The following NFIA variants were observed in gnomAD, a reference collection of about 807,000 sequenced individuals.
NFIA encodes nuclear factor 1 A-type.
NFIA carries 8 observed loss-of-function variants against 62.8 expected under a neutral mutation model. The observed-to-expected ratio is 0.13, with a 90% CI of 0.07 to 0.23. The LOEUF is 0.23. Among genes scored for constraint, NFIA ranks in the 10% least tolerant of loss-of-function variants. The pLI is 1.00. For missense variants in NFIA, 410 were observed against 642.1 expected, an observed-to-expected ratio of 0.64 and a Z score of 3.91; for synonymous variants, 235 against 238.1, an observed-to-expected ratio of 0.99 and a Z score of 0.12.
chr1:61,123,262 G>A (rs1646916971), intron 2 of NFIA, among the ~76,000 whole-genome samples: 1 of 152,116 alleles, frequency 6.6e-6, no homozygotes, highest in Non-Finnish European at 1.5e-5. Context: ...TGATACGCAG[G>A]CCATCCTACT....
At chr1:61,126,011 T>C (rs1646960414) in intron 2 of NFIA, among the ~76,000 whole-genome samples, 1 of 152,184 alleles carries the variant, frequency 6.6e-6, no homozygotes, top group Non-Finnish European at 1.5e-5. Flanking sequence ...GTAGGTACTT[T>C]ATCGCCATCT....
chr1:61,175,889 C>T (rs571431991), intron 2 of NFIA, among the ~76,000 whole-genome samples: 5 of 152,190 alleles, frequency 3.3e-5, no homozygotes, highest in Non-Finnish European at 5.9e-5. Context: ...TCACGAAGCT[C>T]ATAGTCCAGG....
intron 4 of NFIA, among the ~76,000 whole-genome samples, chr1:61,341,858 T>C (rs1196171700): frequency 3.3e-5 from 5 of 152,206 alleles, no homozygotes; most frequent in Non-Finnish European, 7.4e-5. Flanking sequence ...TATCCAGTAG[T>C]AACACTGAAA....
intron 2 of NFIA, among the ~76,000 whole-genome samples, chr1:61,235,875 A>G (rs1436583664): frequency 6.6e-6 from 1 of 152,106 alleles, no homozygotes; most frequent in Non-Finnish European, 1.5e-5. Flanking sequence ...CATTTGTAAG[A>G]AAAAAGACTG....
chr1:61,241,815 A>C (rs1334532772), intron 2 of NFIA, among the ~76,000 whole-genome samples: 1 of 152,146 alleles, frequency 6.6e-6, no homozygotes, highest in East Asian at 1.9e-4. Flanking sequence ...GCAGAAGACT[A>C]TTCAGGGGAA....
Position 61,379,489 on chromosome 1 carries a change from C to T in NFIA, c.947-3748C>T, listed in dbSNP as rs149689414. ...GTAGCATGATCTGGGCTGACTGCAA[C>T]CTCCGCCTCCCAGGTTCAAGCAATC... On this transcript the variant is annotated intron_variant, in intron 6 of 10. Transcript: ENST00000403491. 3.3e-3 allele frequency among the ~76,000 whole-genome samples: 491 copies of T among 147,318 alleles called. 9 individuals carry two copies. The East Asian group carries it at 0.042, about 13-fold the overall frequency.
rs1430951390 is a variant in NFIA at position 61,383,218 on chromosome 1, A to G, written c.947-19A>G. Reference sequence around the variant, plus strand: ...TTCCATGAATTAAAGTGTACTTACCAGTTGATCCTTCTTGCCAGGAATGCC... The same window carrying G: ...TTCCATGAATTAAAGTGTACTTACCGGTTGATCCTTCTTGCCAGGAATGCC... On this transcript the variant is annotated intron_variant, in intron 6 of 10. Coordinates refer to ENST00000403491, the MANE Select transcript of NFIA (RefSeq NM_001134673.4). 1 of 1,613,692 alleles carries G rather than the reference A, an allele frequency of 6.2e-7. No individual in the cohort carries two copies. Among genetic ancestry groups the G allele is most frequent in the African/African-American group, 1.3e-5 (1 of 74,904 alleles).
intron 3 of NFIA, among the ~76,000 whole-genome samples, chr1:61,311,040 T>C (rs1016546850): frequency 5.9e-5 from 9 of 152,144 alleles, no homozygotes; most frequent in Admixed American, 3.3e-4. Flanking sequence ...AATGAACTAA[T>C]GAATAGTAGG....
chr1:61,203,171 T>C (rs1652627616), intron 2 of NFIA, among the ~76,000 whole-genome samples: 1 of 152,170 alleles, frequency 6.6e-6, no homozygotes, highest in African/African-American at 2.4e-5. Context: ...CCCGTTGGTG[T>C]CTATGGTTTC....
At chr1:61,274,025 A>C (rs1177053498) in intron 2 of NFIA, among the ~76,000 whole-genome samples, 1 of 152,226 alleles carries the variant, frequency 6.6e-6, no homozygotes, top group Non-Finnish European at 1.5e-5. Flanking sequence ...TACATGTAGC[A>C]AATCCAGTAC....
chr1:61,330,443 C>CCCCACACACACA (rs554691317), intron 3 of NFIA, among the ~76,000 whole-genome samples: 2 of 90,620 alleles, frequency 2.2e-5, no homozygotes, highest in Non-Finnish European at 5.3e-5. Context: ...TACACCCCCC[C>CCCCACACACACA]CACACACACA....
chr1:61,189,930 A>AC (rs1417565388), intron 2 of NFIA, among the ~76,000 whole-genome samples: 3 of 152,172 alleles, frequency 2.0e-5, no homozygotes, highest in African/African-American at 7.2e-5. Context: ...GTTCACATTT[A>AC]CAGTCTTAGG....
chr1:61,436,392 C>T (rs1008725697), intron 10 of NFIA, among the ~76,000 whole-genome samples: 1 of 152,160 alleles, frequency 6.6e-6, no homozygotes, highest in Non-Finnish European at 1.5e-5. Context: ...TCCACAAAGT[C>T]CTTGCTTGTG....
At chr1:61,134,560 A>T (rs1170811605) in intron 2 of NFIA, among the ~76,000 whole-genome samples, 1 of 152,110 alleles carries the variant, frequency 6.6e-6, no homozygotes, top group East Asian at 1.9e-4. Context: ...ATAACATATG[A>T]CTTAGAGTCT....
intron 3 of NFIA, among the ~76,000 whole-genome samples, chr1:61,307,323 C>T (rs905937866): frequency 2.0e-5 from 3 of 152,252 alleles, no homozygotes; most frequent in African/African-American, 7.2e-5. Context: ...CCTTCTGCCA[C>T]GTGAGGATGT....
chr1:61,277,531 T>C lies in NFIA; in HGVS notation c.571T>C (p.Ser191Pro), dbSNP rs764666900. The C allele has an allele frequency of 6.2e-6, 10 of 1,613,714 alleles. No homozygotes were observed. Among genetic ancestry groups the C allele is most frequent in the Non-Finnish European group, 7.6e-6 (9 of 1,179,844 alleles). ...TTTATGTTTTTCAGATTCAAGTCAATCTGAAAGTCCCAGCCAGCCAAGTGA... is the reference window on the plus strand; with the variant it reads ...TTTATGTTTTTCAGATTCAAGTCAACCTGAAAGTCCCAGCCAGCCAAGTGA... ...YFVHAADSSQ[S>P]ESPSQPSDAD... The change falls in exon 3 of 11, where the codon TCT (serine) becomes CCT (proline). Residue 191 changes from serine (S) to proline (P), a missense_variant. Around this residue, in one of 3 missense-constraint regions of NFIA, gnomAD observed 298 missense variants for 438.1 expected, o/e 0.68. Transcript: ENST00000403491.
At chr1:61,269,289 T>G (rs186201630) in intron 2 of NFIA, among the ~76,000 whole-genome samples, 5 of 152,264 alleles carry the variant, frequency 3.3e-5, no homozygotes, top group Admixed American at 3.3e-4. Context: ...ATAATAGAAT[T>G]AAAGAATACT....
intron 2 of NFIA, among the ~76,000 whole-genome samples, chr1:61,109,781 G>A (rs1182717264): frequency 2.0e-5 from 3 of 151,850 alleles, no homozygotes; most frequent in Admixed American, 2.0e-4. Context: ...TTTTTAGGAG[G>A]AAGAGTAGAA....
At chr1:61,288,622 C>T (rs918581391) in intron 3 of NFIA, among the ~76,000 whole-genome samples, 3 of 152,108 alleles carry the variant, frequency 2.0e-5, no homozygotes, top group Non-Finnish European at 2.9e-5. Context: ...TTTGGGTCCT[C>T]CAAGAATAAT....
Sources: allele counts gnomAD v4.1 joint callset (sites outside exome capture counted in the v4.1 genomes callset), GRCh38; gene constraint gnomAD v4.1.1; regional missense constraint gnomAD v4.1.1; transcripts MANE v1.5; gene names NCBI Gene and HGNC (gene_info 2026-07-23, HGNC 2026-07-21).